Variants in LMNB2 observed in about 807,000 individuals in gnomAD.
LMNB2 encodes the protein lamin B2, also known as lamin-B2.
Under a neutral mutation model 69.3 loss-of-function variants are expected in LMNB2, and 17 were observed. The ratio of observed to expected loss-of-function variants is 0.25; its 90% CI spans 0.17 to 0.37. LMNB2 has a LOEUF of 0.37. LMNB2 is among the 10% of genes least tolerant of loss of function. LMNB2 has a pLI of 1.00. For synonymous variants in LMNB2, 397 were observed against 389.3 expected, an observed-to-expected ratio of 1.02 and a Z score of -0.23; for missense variants, 789 against 883.6, an observed-to-expected ratio of 0.89 and a Z score of 1.36.
chr19:2,450,117 T>TATATAC (rs563551026), intron 1 of LMNB2, among the ~76,000 whole-genome samples: 33,324 of 145,170 alleles, frequency 0.23, 3,892 homozygotes, highest in Middle Eastern at 0.26. Flanking sequence ...CATATATATA[T>TATATAC]ACACATATAT....
At chr19:2,448,308 C>T (rs766359199) in intron 1 of LMNB2, among the ~76,000 whole-genome samples, 4 of 152,202 alleles carry the variant, frequency 2.6e-5, no homozygotes, top group Admixed American at 6.5e-5. Context: ...GAGGGGCTGA[C>T]GGGACACCCT....
intron 8 of LMNB2, 94 bp downstream of exon 8, chr19:2,433,732 C>A (rs1397754421): frequency 1.4e-6 from 2 of 1,452,652 alleles, no homozygotes; most frequent in Non-Finnish European, 1.9e-6. Flanking sequence ...TTGTCCCCTG[C>A]CTCGCATTGG....
intron 2 of LMNB2, among the ~76,000 whole-genome samples, chr19:2,442,582 T>TA (rs1408915505): frequency 2.0e-5 from 3 of 151,714 alleles, no homozygotes; most frequent in Non-Finnish European, 4.4e-5. Context: ...AGGAAATAAA[T>TA]AAAAAATAAA....
rs1044399727 is a variant in LMNB2, at chr19:2,438,521, T to C, written c.412A>G (p.Arg138Gly). 1 of 1,608,240 alleles carries C rather than the reference T, an allele frequency of 6.2e-7. No individual in the cohort carries two copies. The highest frequency in any genetic ancestry group is 8.5e-7 in the Non-Finnish European group (1 of 1,177,510). Reference sequence around the variant, plus strand: ...TGGGCCACCGTAAGCTCGCCCTCCCTCTTCTTGGCGCTGAAAGTCAAGAGG... The same window carrying C: ...TGGGCCACCGTAAGCTCGCCCTCCCCCTTCTTGGCGCTGAAAGTCAAGAGG... Reference protein sequence around the residue: ...LDEVNKSAKKREGELTVAQGR... With the variant: ...LDEVNKSAKKGEGELTVAQGR... The change falls in exon 3 of 12, where the codon AGG (arginine) becomes GGG (glycine). Residue 138 changes from arginine to glycine, a missense_variant. Around this residue, in one of 3 missense-constraint regions of LMNB2, gnomAD observed 145 missense variants for 228.9 expected, o/e 0.63. Transcript: ENST00000325327.
At chr19:2,455,219 T>G (rs1423418652) in intron 1 of LMNB2, among the ~76,000 whole-genome samples, 1 of 151,458 alleles carries the variant, frequency 6.6e-6, no homozygotes, top group East Asian at 1.9e-4. Flanking sequence ...TCGCTAAAGC[T>G]CCAGGGAGAA....
Position 2,456,756 on chromosome 19 carries a change from A to G in LMNB2, c.178T>C (p.Tyr60His), listed in dbSNP as rs755034529. Residue 60 changes from tyrosine to histidine, a missense_variant, in exon 1 of 12, where the codon TAC becomes CAC. This residue lies in a region of LMNB2 where 145 missense variants were observed against 228.9 expected (regional missense o/e 0.63). Coordinates refer to ENST00000325327, the MANE Select transcript of LMNB2 (RefSeq NM_032737.4). ...LRELNDRLAH[Y>H]IDRVRALELE... ...TCCAGCGCGCGGACGCGGTCGATGT[A>G]GTGCGCCAGGCGGTCGTTGAGCTCG... 6.4e-7 allele frequency: 1 copy of G among 1,558,986 alleles called. No homozygotes were observed. Among genetic ancestry groups the G allele is most frequent in the Non-Finnish European group, 8.7e-7 (1 of 1,152,838 alleles).
chr19:2,435,131 A>T lies in LMNB2; in HGVS notation c.725T>A (p.Val242Glu), dbSNP rs779447432. Residue 242 changes from valine (V) to glutamate (E), a missense_variant, in exon 5 of 12, where the codon GTG becomes GAG. Physicochemically the swap from Val to Glu is moderately radical, Grantham distance 121. This residue lies in a region of LMNB2 where 609 missense variants were observed against 630.9 expected (regional missense o/e 0.97). Transcript: ENST00000325327. ...ETRRRHERRLVEVDSSRQQEY... is the reference protein window; with the variant it reads ...ETRRRHERRLEEVDSSRQQEY... Reference sequence around the variant, plus strand: ...CTGCTGCCGGCTGCTGTCCACCTCCACCAGGCGCCGCTCGTGCCGCCGCCG... The same window carrying T: ...CTGCTGCCGGCTGCTGTCCACCTCCTCCAGGCGCCGCTCGTGCCGCCGCCG... 6.2e-7 allele frequency: 1 copy of T among 1,606,410 alleles called. No homozygotes were observed. Among genetic ancestry groups the T allele is most frequent in the Non-Finnish European group, 8.5e-7 (1 of 1,179,602 alleles).
rs1225197029 is a variant in LMNB2 at position 2,443,637 on chromosome 19, C to T, written c.401+767G>A. On this transcript the variant is annotated intron_variant, in intron 2 of 11. Coordinates refer to ENST00000325327, the MANE Select transcript of LMNB2 (RefSeq NM_032737.4). The surrounding 1 kb of genome is among the most constrained non-coding windows in gnomAD (Gnocchi z 6.2). ...CTGCAGGTGCCTGAATGCCGGTGGCCGGAGACCACGGAAGACAGTGTCCAC... is the reference window on the plus strand; with the variant it reads ...CTGCAGGTGCCTGAATGCCGGTGGCTGGAGACCACGGAAGACAGTGTCCAC... 6.6e-6 allele frequency among the ~76,000 whole-genome samples: 1 copy of T among 152,148 alleles called. No homozygotes were observed. The highest frequency in any genetic ancestry group is 2.4e-5 in the African/African-American group (1 of 41,426).
At chr19:2,441,241 C>T (rs957662384) in intron 2 of LMNB2, among the ~76,000 whole-genome samples, 3 of 152,252 alleles carry the variant, frequency 2.0e-5, no homozygotes, top group South Asian at 2.1e-4. Context: ...CCCTGAATCC[C>T]GGGTCTGGCT....
chr19:2,434,752 C>T, intron 6 of LMNB2, 36 bp downstream of exon 6: 1 of 1,583,100 alleles, frequency 6.3e-7, no homozygotes, highest in Non-Finnish European at 8.6e-7. Context: ...GAAGTTGGGC[C>T]AGGGGGACGG....
chr19:2,435,175 C>T lies in LMNB2; in HGVS notation c.685-4G>A, dbSNP rs748128658. 8.7e-6 allele frequency: 14 copies of T among 1,600,492 alleles called. No homozygotes were observed. The highest frequency in any genetic ancestry group is 1.1e-5 in the South Asian group (1 of 91,028). On this transcript the variant is annotated splice_region_variant and splice_polypyrimidine_tract_variant and intron_variant, in intron 4 of 11. Coordinates refer to ENST00000325327, the MANE Select transcript of LMNB2 (RefSeq NM_032737.4). ...GCCGCCGCGTCTCCCGCACCTCCTG[C>T]GGACCAAGGCTTCGTGACCCTCTGG...
Position 2,453,226 on chromosome 19 carries a change from T to TC in LMNB2, c.264+3443dup, listed in dbSNP as rs1447514383. ...GGGCATGCCCAGCCTTGGCCAAGAG[T>TC]CCCCTGGGGGCAGAAGCTGGCCAGG... On this transcript the variant is annotated intron_variant, in intron 1 of 11. Coordinates refer to ENST00000325327, the MANE Select transcript of LMNB2 (RefSeq NM_032737.4). The surrounding 1 kb of genome is among the most constrained non-coding windows in gnomAD (Gnocchi z 4.4). Among the ~76,000 whole-genome samples the TC allele has an allele frequency of 2.0e-5, 3 of 151,874 alleles. No homozygotes were observed. Among genetic ancestry groups the TC allele is most frequent in the African/African-American group, 7.3e-5 (3 of 41,320 alleles).
intron 1 of LMNB2, among the ~76,000 whole-genome samples, chr19:2,446,907 G>A (rs1004658560): frequency 3.9e-5 from 6 of 152,266 alleles, no homozygotes; most frequent in Non-Finnish European, 5.9e-5. Context: ...TTGGGAAGCC[G>A]AGGCGGGCGG....
At chr19:2,439,173 C>G (rs897469031) in intron 2 of LMNB2, among the ~76,000 whole-genome samples, 1 of 151,428 alleles carries the variant, frequency 6.6e-6, no homozygotes, top group Non-Finnish European at 1.5e-5. Context: ...TGCGAGCCAC[C>G]GCGTACGGCT....
In LMNB2 at chr19:2,432,487, C is replaced by T; in HGVS notation, c.1519G>A (p.Val507Ile). ...TAGGCGATCTCCTCCCCCTCCAAGA[C>T]CTGCCTCTTGATTCTCCAGTTCCCC... ...SLGNWRIKRQ[V>I]LEGEEIAYKF... The change falls in exon 9 of 12, where the codon GTC becomes ATC. Residue 507 changes from valine to isoleucine, a missense_variant. Val to Ile is a conservative substitution (Grantham distance 29). Around this residue, in one of 3 missense-constraint regions of LMNB2, gnomAD observed 609 missense variants for 630.9 expected, o/e 0.97. Transcript: ENST00000325327. 6.2e-7 allele frequency: 1 copy of T among 1,613,932 alleles called. No individual in the cohort carries two copies. Among genetic ancestry groups the T allele is most frequent in the Non-Finnish European group, 8.5e-7 (1 of 1,179,930 alleles).
In LMNB2 at chr19:2,430,955, G is replaced by A. The variant is rs762582; in HGVS notation, c.1822-3C>T. ...CTTGAGGTGGTCCTCGGGTCCCCCT[G>A]CAGGAAGGAAGGAAGGAAGGTCGGC... On this transcript the variant is annotated splice_polypyrimidine_tract_variant and splice_region_variant and intron_variant, in intron 11 of 11. Coordinates refer to ENST00000325327, the MANE Select transcript of LMNB2 (RefSeq NM_032737.4). 1 of 1,607,874 alleles carries A rather than the reference G, an allele frequency of 6.2e-7. No individual in the cohort carries two copies. The highest frequency in any genetic ancestry group is 8.5e-7 in the Non-Finnish European group (1 of 1,174,722).
chr19:2,436,491 T>A (rs1194800084), intron 4 of LMNB2, among the ~76,000 whole-genome samples: 1 of 151,948 alleles, frequency 6.6e-6, no homozygotes, highest in African/African-American at 2.4e-5. Flanking sequence ...AGCAGAGCCC[T>A]GCGGGCCGCG....
At chr19:2,451,410 A>T (rs1972019717) in intron 1 of LMNB2, among the ~76,000 whole-genome samples, 1 of 152,170 alleles carries the variant, frequency 6.6e-6, no homozygotes, top group Admixed American at 6.5e-5. Context: ...GGCAGAGCTG[A>T]GTGGTTCAGA....
At chr19:2,432,339 GT>G in intron 9 of LMNB2, 76 bp downstream of exon 9, 11 of 456,304 alleles carry the variant, frequency 2.4e-5, no homozygotes, top group Admixed American at 5.7e-5. Context: ...CCCCCGCCAA[GT>G]CCTGTGCCTC....
Sources: allele counts gnomAD v4.1 joint callset (sites outside exome capture counted in the v4.1 genomes callset), GRCh38; gene constraint gnomAD v4.1.1; regional missense constraint gnomAD v4.1.1; non-coding constraint Gnocchi (gnomAD v3.1); transcripts MANE v1.5; gene names NCBI Gene and HGNC (gene_info 2026-07-23, HGNC 2026-07-21).